The following SPOCK1 variants were observed in gnomAD, a reference collection of about 807,000 sequenced individuals.
SPOCK1 encodes the protein SPARC (osteonectin), cwcv and kazal like domains proteoglycan 1.
SPOCK1 carries 23 observed loss-of-function variants against 55.3 expected under a neutral mutation model. That is an observed-to-expected ratio of 0.42 (90% confidence interval 0.30 to 0.59). The LOEUF (loss-of-function observed/expected upper bound fraction) is 0.59, where lower values mean the gene tolerates loss of function less well. Ranked by LOEUF, SPOCK1 falls within the 20% of genes least tolerant of loss-of-function variation. The probability of loss-of-function intolerance (pLI) is 0.22; values close to 1 mark genes in which losing one functional copy is unlikely to be tolerated. For synonymous variants in SPOCK1, 226 were observed against 221.0 expected, an observed-to-expected ratio of 1.02 and a Z score of -0.20; for missense variants, 499 against 552.5, an observed-to-expected ratio of 0.90 and a Z score of 0.97.
intron 6 of SPOCK1, among the ~76,000 whole-genome samples, chr5:137,012,266 G>T (rs1751364964): frequency 6.6e-6 from 1 of 152,138 alleles, no homozygotes; most frequent in Admixed American, 6.5e-5. Context: ...TCAGGTCATG[G>T]CCACAGTCAT....
At chr5:137,266,410 G>A (rs775089705) in intron 3 of SPOCK1, among the ~76,000 whole-genome samples, 1 of 152,208 alleles carries the variant, frequency 6.6e-6, no homozygotes, top group African/African-American at 2.4e-5. Context: ...GGAGGACACT[G>A]TTAGTGATTT....
At chr5:137,407,123 C>A (rs1478306161) in intron 2 of SPOCK1, among the ~76,000 whole-genome samples, 1 of 152,148 alleles carries the variant, frequency 6.6e-6, no homozygotes. Flanking sequence ...TTAATTATAT[C>A]AGTGAAATAT....
intron 2 of SPOCK1, among the ~76,000 whole-genome samples, chr5:137,422,565 A>G (rs1006674433): frequency 1.3e-5 from 2 of 152,148 alleles, no homozygotes; most frequent in Non-Finnish European, 2.9e-5. Context: ...CCTTTCTTCC[A>G]GTTGATCGAA....
chr5:137,397,570 CT>C (rs1222894861), intron 2 of SPOCK1, among the ~76,000 whole-genome samples: 1 of 152,306 alleles, frequency 6.6e-6, no homozygotes, highest in East Asian at 1.9e-4. Context: ...CAACTGTCTC[CT>C]TTTCCTTGCC....
chr5:137,473,702 A>C (rs145199447), intron 2 of SPOCK1, among the ~76,000 whole-genome samples: 161 of 152,368 alleles, frequency 1.1e-3, no homozygotes, highest in African/African-American at 3.8e-3. Context: ...GAATTTGTCC[A>C]AGTAATTTTC....
intron 2 of SPOCK1, among the ~76,000 whole-genome samples, chr5:137,448,938 C>T (rs1245750608): frequency 1.3e-5 from 2 of 152,246 alleles, no homozygotes; most frequent in African/African-American, 2.4e-5. Flanking sequence ...TCTGGCCTGA[C>T]ACCTGATTTC....
intron 6 of SPOCK1, among the ~76,000 whole-genome samples, chr5:137,044,642 C>CTT (rs879269138): frequency 6.7e-6 from 1 of 149,246 alleles, no homozygotes; most frequent in Non-Finnish European, 1.5e-5. Flanking sequence ...ATGACTATTT[C>CTT]TTTTTTTTTT....
intron 8 of SPOCK1, among the ~76,000 whole-genome samples, chr5:136,986,737 A>G (rs1348498516): frequency 1.4e-5 from 2 of 147,146 alleles, no homozygotes; most frequent in Non-Finnish European, 3.0e-5. Context: ...AATAATAAAT[A>G]CAAGGGAAGT....
chr5:137,086,082 C>T (rs1752956284), intron 5 of SPOCK1, among the ~76,000 whole-genome samples: 1 of 152,206 alleles, frequency 6.6e-6, no homozygotes, highest in Admixed American at 6.5e-5. Flanking sequence ...GACTCCCCAT[C>T]TGACCCATCT....
chr5:137,147,707 A>G (rs1394550464), intron 3 of SPOCK1, among the ~76,000 whole-genome samples: 1 of 152,186 alleles, frequency 6.6e-6, no homozygotes, highest in African/African-American at 2.4e-5. Flanking sequence ...CTCCAAATAC[A>G]GACATCCTAG....
intron 6 of SPOCK1, among the ~76,000 whole-genome samples, chr5:137,037,035 T>C (rs1475546453): frequency 6.6e-6 from 1 of 152,064 alleles, no homozygotes; most frequent in African/African-American, 2.4e-5. Context: ...CTCGCTCCGA[T>C]AGTGGCAATT....
intron 4 of SPOCK1, among the ~76,000 whole-genome samples, chr5:137,113,065 C>T (rs1753507052): frequency 6.6e-6 from 1 of 152,174 alleles, no homozygotes; most frequent in Non-Finnish European, 1.5e-5. Context: ...CTGTAGAAAA[C>T]TATCTCTGGA....
chr5:137,481,276 A>G (rs1753944840), intron 2 of SPOCK1, among the ~76,000 whole-genome samples: 2 of 152,054 alleles, frequency 1.3e-5, no homozygotes, highest in African/African-American at 4.8e-5. Flanking sequence ...CCTCACATCA[A>G]CTTGTATTAC....
chr5:137,169,812 A>G (rs1380859903), intron 3 of SPOCK1, among the ~76,000 whole-genome samples: 1 of 152,242 alleles, frequency 6.6e-6, no homozygotes, highest in East Asian at 1.9e-4. Context: ...GCCCCAGAGC[A>G]TGTGGCTAGG....
chr5:137,010,347 C>A (rs1475182303), intron 6 of SPOCK1, among the ~76,000 whole-genome samples: 1 of 151,902 alleles, frequency 6.6e-6, no homozygotes, highest in Non-Finnish European at 1.5e-5. Context: ...CCAGCATGTA[C>A]GTTTGAGGAT....
chr5:137,296,637 A>G (rs1228570456), intron 2 of SPOCK1, among the ~76,000 whole-genome samples: 2 of 152,230 alleles, frequency 1.3e-5, no homozygotes, highest in Non-Finnish European at 1.5e-5. Flanking sequence ...ATAAGTAAAT[A>G]GCACTCATCT....
chr5:137,328,632 A>G (rs1758118344), intron 2 of SPOCK1, among the ~76,000 whole-genome samples: 1 of 152,228 alleles, frequency 6.6e-6, no homozygotes, highest in African/African-American at 2.4e-5. Context: ...GCACAATGGT[A>G]AGTGTTTTAT....
intron 3 of SPOCK1, among the ~76,000 whole-genome samples, chr5:137,247,961 C>G (rs1192601556): frequency 6.6e-6 from 1 of 152,156 alleles, no homozygotes; most frequent in Non-Finnish European, 1.5e-5. Context: ...CTCCTAACAT[C>G]GAAACATTGG....
intron 5 of SPOCK1, among the ~76,000 whole-genome samples, chr5:137,110,678 C>A (rs898987217): frequency 6.6e-6 from 1 of 152,144 alleles, no homozygotes. Context: ...TTGAGAAAGG[C>A]TATAATCTTG....
Sources: gnomAD v4.1 joint callset for allele counts (sites outside exome capture counted in the v4.1 genomes callset) on GRCh38, gnomAD v4.1.1 for gene constraint, MANE v1.5 for transcripts, NCBI Gene and HGNC (gene_info 2026-07-23, HGNC 2026-07-21) for gene names.